The following DGKH variants were observed in gnomAD, a reference collection of about 807,000 sequenced individuals.
DGKH encodes diacylglycerol kinase eta, also known as DAG kinase eta.
In DGKH, 90 loss-of-function variants were observed where a neutral mutation model predicts 159.3. The ratio of observed to expected loss-of-function variants is 0.57; its 90% confidence interval spans 0.48 to 0.67. The LOEUF is 0.67. Ranked by LOEUF, DGKH falls within the 30% of genes least tolerant of loss-of-function variation. DGKH has a pLI of 0.00. For synonymous variants in DGKH, 536 were observed against 553.8 expected, an observed-to-expected ratio of 0.97 and a Z score of 0.45; for missense variants, 1,181 against 1,506.1, an observed-to-expected ratio of 0.78 and a Z score of 3.57.
intron 13 of DGKH, among the ~76,000 whole-genome samples, chr13:42,183,321 G>C (rs779543723): frequency 6.6e-5 from 10 of 151,658 alleles, no homozygotes; most frequent in Admixed American, 2.6e-4. Context: ...TTCTATAATG[G>C]TTTCCCTTTA....
intron 3 of DGKH, among the ~76,000 whole-genome samples, chr13:42,130,899 A>G (rs974007056): frequency 2.6e-5 from 4 of 152,020 alleles, no homozygotes; most frequent in Admixed American, 6.6e-5. Context: ...GGTTTAACCA[A>G]TAAAGACTGA....
At chr13:42,055,506 C>T (rs759143227) in intron 1 of DGKH, among the ~76,000 whole-genome samples, 15 of 151,928 alleles carry the variant, frequency 9.9e-5, no homozygotes, top group South Asian at 2.1e-4. Flanking sequence ...TTAACGATGC[C>T]GTATTTTAAA....
Position 42,214,510 on chromosome 13 carries a change from A to T in DGKH, c.3018A>T (p.Ile1006=). 2 of 1,610,168 alleles carry T rather than the reference A, an allele frequency of 1.2e-6. No individual in the cohort carries two copies. The highest frequency in any genetic ancestry group is 1.7e-6 in the Non-Finnish European group (2 of 1,178,628). The part of the protein sequence containing the change: ...SQAAEELITR[I]CDAATIHCLL... ...TTTGTTTCATTTTTGCTTTTAGGAT[A>T]TGTGACGCAGCCACAATTCACTGTC... is the stretch of plus-strand genomic sequence containing the variant. The change falls in exon 25 of 30, where the codon ATA becomes ATT. Residue 1006 remains isoleucine (I), a synonymous_variant. Coordinates refer to ENST00000337343, the MANE Select transcript of DGKH (RefSeq NM_178009.5).
In DGKH at chr13:42,055,495, C is replaced by T. The variant is rs190684152; in HGVS notation, c.192+6530C>T. Reference sequence around the variant, plus strand: ...TAATTTACTAAACCTTTACATATAACTTAACGATGCCGTATTTTAAAGTAT... The same window carrying T: ...TAATTTACTAAACCTTTACATATAATTTAACGATGCCGTATTTTAAAGTAT... On this transcript the variant is annotated intron_variant, in intron 1 of 29. Coordinates refer to ENST00000337343, the MANE Select transcript of DGKH (RefSeq NM_178009.5). Among the ~76,000 whole-genome samples the T allele has an allele frequency of 1.5e-4, 23 of 152,258 alleles. No individual in the cohort carries two copies. The East Asian group carries it at 3.9e-3, about 26-fold the overall frequency.
rs776009014 is a variant in DGKH, at chr13:42,208,920, T to C, written c.2602-39T>C. 6 of 1,476,250 alleles carry C rather than the reference T, an allele frequency of 4.1e-6. No individual in the cohort carries two copies. The African/African-American group carries it at 8.4e-5, about 21-fold the overall frequency. 91.4% of individuals were successfully genotyped at this position (1,476,250 alleles called of 1,614,324 possible). ...TACATTGCTTAACGTGCTCTTCACC[T>C]AAACATTCAGTAGAAGTGTAATGTA... On this transcript the variant is annotated intron_variant, in intron 21 of 29. Transcript: ENST00000337343.
At chr13:42,107,846 G>GC (rs1272041933) in intron 1 of DGKH, among the ~76,000 whole-genome samples, 1 of 152,098 alleles carries the variant, frequency 6.6e-6, no homozygotes, top group Non-Finnish European at 1.5e-5. Context: ...CCCCTGGTAT[G>GC]CCCCTGATGG....
chr13:42,131,981 G>T (rs1348474743), intron 3 of DGKH, among the ~76,000 whole-genome samples: 2 of 152,158 alleles, frequency 1.3e-5, no homozygotes, highest in Non-Finnish European at 2.9e-5. Context: ...CTTGAAGGTG[G>T]GGTAGGGTGA....
At chr13:42,061,692 T>A (rs1363860602) in intron 1 of DGKH, among the ~76,000 whole-genome samples, 1 of 152,242 alleles carries the variant, frequency 6.6e-6, no homozygotes, top group Non-Finnish European at 1.5e-5. Context: ...ATAATACATT[T>A]TGCATAAGCT....
At chr13:42,253,394 G>A (rs1363189415) in intron 30 of DGKH, among the ~76,000 whole-genome samples, 1 of 152,204 alleles carries the variant, frequency 6.6e-6, no homozygotes, top group Admixed American at 6.5e-5. Context: ...ATCAGCCATT[G>A]CCTTGATCTT....
intron 3 of DGKH, among the ~76,000 whole-genome samples, chr13:42,134,337 A>T (rs1200927389): frequency 6.6e-6 from 1 of 152,126 alleles, no homozygotes; most frequent in Non-Finnish European, 1.5e-5. Flanking sequence ...CATGATTTAA[A>T]ACCTACACAC....
upstream of DGKH, among the ~76,000 whole-genome samples, chr13:42,044,608 C>G (rs144629892): frequency 6.6e-6 from 1 of 152,128 alleles, no homozygotes; most frequent in African/African-American, 2.4e-5. Flanking sequence ...TTTCTTAAAA[C>G]GCAGCCATGT....
chr13:42,104,842 T>A (rs556953054), intron 1 of DGKH, among the ~76,000 whole-genome samples: 4 of 152,314 alleles, frequency 2.6e-5, no homozygotes, highest in African/African-American at 9.6e-5. Context: ...ATTATTTGGC[T>A]GAATTTGGTA....
chr13:42,098,730 GTATT>G (rs1488553824), intron 1 of DGKH, among the ~76,000 whole-genome samples: 2 of 152,146 alleles, frequency 1.3e-5, no homozygotes, highest in East Asian at 3.8e-4. Context: ...TTAATAGTGT[GTATT>G]TATAAAGTGA....
rs535254846 is a variant in DGKH at position 42,147,583 on chromosome 13, G to A, written c.385-7708G>A. On this transcript the variant is annotated intron_variant, in intron 3 of 29. Coordinates refer to ENST00000337343, the MANE Select transcript of DGKH (RefSeq NM_178009.5). ...TAAACTAAAAGAGCTTGTGCCAAGG[G>A]AATGAGACTAATGGATTGTTCCAAT... 1.2e-3 allele frequency among the ~76,000 whole-genome samples: 189 copies of A among 152,292 alleles called. 1 individual carries two copies. Among genetic ancestry groups the A allele is most frequent in the Non-Finnish European group, 2.4e-3 (165 of 68,038 alleles).
chr13:42,177,858 A>G (rs1374872303), intron 12 of DGKH, among the ~76,000 whole-genome samples: 1 of 152,154 alleles, frequency 6.6e-6, no homozygotes, highest in African/African-American at 2.4e-5. Flanking sequence ...ACTACTTTGT[A>G]GGAATTATTT....
At chr13:42,069,516 A>C in intron 1 of DGKH, 1 of 1,591,538 alleles carries the variant, frequency 6.3e-7, no homozygotes, top group Non-Finnish European at 8.6e-7. Context: ...AGGAATGAAA[A>C]TCAAATCCCT....
chr13:42,094,281 T>A (rs1274109805), intron 1 of DGKH, among the ~76,000 whole-genome samples: 1 of 152,202 alleles, frequency 6.6e-6, no homozygotes, highest in Non-Finnish European at 1.5e-5. Context: ...TAAAAAAAGA[T>A]GTCAAAATAG....
chr13:42,254,567 A>C (rs924909650), intron 30 of DGKH, among the ~76,000 whole-genome samples: 4 of 151,594 alleles, frequency 2.6e-5, no homozygotes, highest in Non-Finnish European at 5.9e-5. Context: ...TGGGAGGTGG[A>C]GGTTACAGTG....
intron 7 of DGKH, among the ~76,000 whole-genome samples, chr13:42,162,947 A>G (rs920550016): frequency 4.0e-5 from 6 of 150,678 alleles, no homozygotes; most frequent in Non-Finnish European, 5.9e-5. Flanking sequence ...GTGCCATGCT[A>G]GTGTGCTGCA....
Sources: gnomAD v4.1 joint callset for allele counts (sites outside exome capture counted in the v4.1 genomes callset) on GRCh38, gnomAD v4.1.1 for gene constraint, MANE v1.5 for transcripts, NCBI Gene and HGNC (gene_info 2026-07-23, HGNC 2026-07-21) for gene names.